CRPPA: variants seen among roughly 807,000 people sequenced by gnomAD.
CRPPA encodes CDP-L-ribitol pyrophosphorylase A, also known as D-ribitol-5-phosphate cytidylyltransferase.
A neutral mutation model predicts 52.0 loss-of-function variants in CRPPA; 43 were observed. The ratio of observed to expected loss-of-function variants is 0.83; its 90% CI spans 0.65 to 1.07. The LOEUF is 1.07. CRPPA is among the 50% of genes least tolerant of loss of function. CRPPA has a pLI of 0.00. For synonymous variants in CRPPA, 250 were observed against 203.5 expected (o/e 1.23, Z -1.94); for missense variants, 629 against 551.7 (o/e 1.14, Z -1.40).
chr7:16,157,734 T>A (rs1192215543), intron 9 of CRPPA, among the ~76,000 whole-genome samples: 1 of 152,180 alleles, frequency 6.6e-6, no homozygotes, highest in African/African-American at 2.4e-5. Flanking sequence ...CACGAAGGTC[T>A]ACCTTAAACA....
rs1160707756 is a variant in CRPPA, at chr7:16,376,139, T to C, written c.637A>G (p.Met213Val). The change falls in exon 3 of 10, where the codon ATG (methionine) becomes GTG (valine). Residue 213 changes from methionine (M) to valine (V), a missense_variant. Met to Val is a conservative substitution (Grantham distance 21). Coordinates refer to ENST00000407010, the MANE Select transcript of CRPPA (RefSeq NM_001101426.4). The stretch of plus-strand genomic sequence containing the variant: ...ACATCAAATAGAAAAGCTTGGGGCA[T>C]TTCACTTGCTCTGTGTCTGGCACGT... ...LERARHRASE[M>V]PQAFLFDVIY... 4 of 1,612,224 alleles carry C rather than the reference T, an allele frequency of 2.5e-6. No individual in the cohort carries two copies. The highest frequency in any genetic ancestry group is 2.5e-6 in the Non-Finnish European group (3 of 1,179,150).
At chr7:16,328,113 T>C (rs1250584921) in intron 3 of CRPPA, among the ~76,000 whole-genome samples, 1 of 152,242 alleles carries the variant, frequency 6.6e-6, no homozygotes, top group Non-Finnish European at 1.5e-5. Flanking sequence ...ATGAACCACA[T>C]GTCCATTTAT....
intron 8 of CRPPA, among the ~76,000 whole-genome samples, chr7:16,240,572 T>C (rs200224922): frequency 1.4e-3 from 212 of 148,124 alleles, no homozygotes; most frequent in African/African-American, 4.4e-3. Context: ...TTATTACACA[T>C]ACACACACAC....
chr7:16,156,070 C>G (rs1783174172), intron 9 of CRPPA, among the ~76,000 whole-genome samples: 1 of 132,114 alleles, frequency 7.6e-6, no homozygotes, highest in African/African-American at 2.9e-5. Flanking sequence ...TAAGCCAACA[C>G]AAATGCAGCT....
At chr7:16,401,101 C>G (rs544375034) in intron 2 of CRPPA, among the ~76,000 whole-genome samples, 2 of 152,302 alleles carry the variant, frequency 1.3e-5, no homozygotes, top group Admixed American at 1.3e-4. Flanking sequence ...TTCCTGTCCC[C>G]AGAGGCTGAG....
chr7:16,198,816 T>C (rs1338581448), intron 9 of CRPPA, among the ~76,000 whole-genome samples: 1 of 151,704 alleles, frequency 6.6e-6, no homozygotes, highest in Non-Finnish European at 1.5e-5. Context: ...TGCCTCTGCC[T>C]CTGAAAATGC....
rs182718918 is a variant in CRPPA, at chr7:16,383,790, C to T, written c.535-7549G>A. Among the ~76,000 whole-genome samples, 375 of 151,280 alleles carry T rather than the reference C, an allele frequency of 2.5e-3. 4 individuals carry two copies. Among genetic ancestry groups the T allele is most frequent in the African/African-American group, 8.6e-3 (353 of 41,252 alleles). On this transcript the variant is annotated intron_variant, in intron 2 of 9. Coordinates refer to ENST00000407010, the MANE Select transcript of CRPPA (RefSeq NM_001101426.4). ...CAGCGAGACTCCATGGGCGTAGGAC[C>T]CTCCAAGCCATGTGCGGGATATAAT...
At chr7:16,405,250 C>T (rs1012298481) in intron 2 of CRPPA, among the ~76,000 whole-genome samples, 1 of 152,028 alleles carries the variant, frequency 6.6e-6, no homozygotes, top group South Asian at 2.1e-4. Flanking sequence ...ACCCTTTAAG[C>T]ACTTAGTATT....
Position 16,262,983 on chromosome 7 carries a change from A to AAACAAT in CRPPA, c.934-3972_934-3971insATTGTT, listed in dbSNP as rs1583476447. 4.6e-5 allele frequency among the ~76,000 whole-genome samples: 7 copies of AAACAAT among 152,322 alleles called. No individual in the cohort carries two copies. In the East Asian group the frequency reaches 1.3e-3, roughly 29 times the overall value. On this transcript the variant is annotated intron_variant, in intron 6 of 9. Transcript: ENST00000407010. ...GCAATGGAGAAGGAAGATTTTATGA[A>AAACAAT]TGATCTTTATCATATTTACCTGGCT...
chr7:16,101,367 T>G (rs181549590), intron 9 of CRPPA, among the ~76,000 whole-genome samples: 16 of 152,268 alleles, frequency 1.1e-4, no homozygotes, highest in Non-Finnish European at 1.8e-4. Flanking sequence ...TCCTGGTTAG[T>G]TTAGTCTTGG....
At chr7:16,305,681 C>G (rs1217456864) in intron 4 of CRPPA, among the ~76,000 whole-genome samples, 1 of 152,146 alleles carries the variant, frequency 6.6e-6, no homozygotes, top group Non-Finnish European at 1.5e-5. Flanking sequence ...TCCTGGCCAA[C>G]ATGGTGAAAC....
intron 9 of CRPPA, among the ~76,000 whole-genome samples, chr7:16,168,067 A>C (rs1334956376): frequency 1.3e-5 from 2 of 151,992 alleles, no homozygotes; most frequent in Admixed American, 6.6e-5. Context: ...TTATTCTTTG[A>C]TGTGTTTCTT....
intron 2 of CRPPA, among the ~76,000 whole-genome samples, chr7:16,382,859 T>G (rs1222052626): frequency 4.6e-5 from 7 of 152,286 alleles, no homozygotes; most frequent in Non-Finnish European, 8.8e-5. Flanking sequence ...CTTTAAGCAC[T>G]TCTCTGTATT....
intron 9 of CRPPA, among the ~76,000 whole-genome samples, chr7:16,191,256 G>A (rs1471462818): frequency 6.6e-6 from 1 of 152,056 alleles, no homozygotes; most frequent in Non-Finnish European, 1.5e-5. Flanking sequence ...GTTCTAGAAT[G>A]AAGACCCCCT....
chr7:16,088,670 G>A lies in CRPPA; in HGVS notation c.*3025C>T, dbSNP rs150443736. 6.1e-4 allele frequency: 93 copies of A among 153,570 alleles called. 1 individual carries two copies. The East Asian group carries it at 0.012, about 20-fold the overall frequency. 9.5% of individuals were successfully genotyped at this position (153,570 alleles called of 1,614,324 possible). A position where few individuals can be genotyped will look rare whatever the true frequency, so the allele number is the denominator to read the frequency against. ...CCTGACCTCGTAATCTGCCTGCCTC[G>A]GCCTCCCAAAGTGCTGGGATTTCAG... On this transcript the variant is annotated 3_prime_UTR_variant, in exon 10 of 10. Coordinates refer to ENST00000407010, the MANE Select transcript of CRPPA (RefSeq NM_001101426.4).
chr7:16,400,074 C>T lies in CRPPA; in HGVS notation c.534+5987G>A, dbSNP rs1408686119. On this transcript the variant is annotated intron_variant, in intron 2 of 9. Coordinates refer to ENST00000407010, the MANE Select transcript of CRPPA (RefSeq NM_001101426.4). ...CACGTGATTGGCACGTGATCGGCAA[C>T]GTGTATGACATGACTGTCACGTGAC... Among the ~76,000 whole-genome samples the T allele has an allele frequency of 2.6e-5, 4 of 152,112 alleles. No individual in the cohort carries two copies. In the East Asian group the frequency reaches 7.8e-4, roughly 30 times the overall value.
rs142561039 is a variant in CRPPA, at chr7:16,197,775, T to G, written c.1251+18291A>C. Among the ~76,000 whole-genome samples, 1,455 of 150,582 alleles carry G rather than the reference T, an allele frequency of 9.7e-3. 72 individuals carry two copies. Among genetic ancestry groups the G allele is most frequent in the African/African-American group, 0.034 (1,395 of 40,842 alleles). ...GTTACTGTGTCTGTGTAGAAAGAAGTAGACATAGGAGACTCCATTTTGTTA... is the reference window on the plus strand; with the variant it reads ...GTTACTGTGTCTGTGTAGAAAGAAGGAGACATAGGAGACTCCATTTTGTTA... On this transcript the variant is annotated intron_variant, in intron 9 of 9. Transcript: ENST00000407010.
At chr7:16,183,769 C>T (rs927943693) in intron 9 of CRPPA, among the ~76,000 whole-genome samples, 11 of 152,058 alleles carry the variant, frequency 7.2e-5, no homozygotes, top group Non-Finnish European at 1.0e-4. Flanking sequence ...ACAGAGAATG[C>T]TCAAAGGAAG....
intron 6 of CRPPA, 140 bp downstream of exon 6, chr7:16,277,989 C>T: frequency 1.6e-6 from 1 of 634,808 alleles, no homozygotes. Context: ...TGCTGGCAGA[C>T]CAAAGGATCT....
Sources: gnomAD v4.1 joint callset for allele counts (sites outside exome capture counted in the v4.1 genomes callset) on GRCh38, gnomAD v4.1.1 for gene constraint, MANE v1.5 for transcripts, NCBI Gene and HGNC (gene_info 2026-07-23, HGNC 2026-07-21) for gene names.